Variants in COX10 observed in about 807,000 individuals in gnomAD.
COX10 encodes protoheme IX farnesyltransferase, mitochondrial.
In COX10, 27 loss-of-function variants were observed where a neutral mutation model predicts 37.3. The ratio of observed to expected loss-of-function variants is 0.72; its 90% CI spans 0.53 to 1.00. The LOEUF is 1.00. Ranked by LOEUF, COX10 falls within the 50% of genes least tolerant of loss-of-function variation. The pLI is 0.00. For synonymous variants in COX10, 222 were observed against 229.1 expected (o/e 0.97, Z 0.28); for missense variants, 475 against 563.2 (o/e 0.84, Z 1.59).
intron 5 of COX10, among the ~76,000 whole-genome samples, chr17:14,175,447 A>T (rs1459001146): frequency 2.6e-5 from 4 of 151,828 alleles, no homozygotes; most frequent in South Asian, 2.1e-4. Flanking sequence ...CCTCGCCTAT[A>T]AAATGAGGTT....
chr17:14,115,041 A>T (rs951091495), intron 4 of COX10, among the ~76,000 whole-genome samples: 2 of 152,136 alleles, frequency 1.3e-5, no homozygotes, highest in South Asian at 2.1e-4. Flanking sequence ...CTATAAGGGC[A>T]TATTTTATTC....
intron 6 of COX10, 38 bp from the exon 7 acceptor site, chr17:14,206,772 T>G (rs1280563420): frequency 6.2e-7 from 1 of 1,612,328 alleles, no homozygotes; most frequent in East Asian, 2.2e-5. Flanking sequence ...TGGTGATGAC[T>G]GCCTTTGTCT....
intron 4 of COX10, among the ~76,000 whole-genome samples, chr17:14,142,575 T>C (rs948815147): frequency 3.3e-5 from 5 of 152,204 alleles, no homozygotes; most frequent in African/African-American, 1.2e-4. Context: ...TAACTAATTC[T>C]TTTTTTCCTT....
chr17:14,111,153 TGTAA>T (rs758869923), intron 4 of COX10, among the ~76,000 whole-genome samples: 114 of 152,314 alleles, frequency 7.5e-4, no homozygotes, highest in Admixed American at 1.2e-3. Flanking sequence ...AAAATTTGTG[TGTAA>T]GTGATTAAGT....
At chr17:14,160,723 G>GATC (rs1332034315) in intron 5 of COX10, among the ~76,000 whole-genome samples, 1 of 152,122 alleles carries the variant, frequency 6.6e-6, no homozygotes, top group African/African-American at 2.4e-5. Context: ...ATGCAGAAAT[G>GATC]ATCTTTAATA....
intron 6 of COX10, among the ~76,000 whole-genome samples, chr17:14,196,437 G>C (rs1467577962): frequency 6.6e-6 from 1 of 152,134 alleles, no homozygotes; most frequent in East Asian, 1.9e-4. Flanking sequence ...TTTGAGGAGG[G>C]AATATGCTTT....
intron 4 of COX10, among the ~76,000 whole-genome samples, chr17:14,157,936 T>G (rs1905078300): frequency 6.6e-6 from 1 of 152,224 alleles, no homozygotes; most frequent in Admixed American, 6.5e-5. Flanking sequence ...ACAAATGCTC[T>G]CTTAATGCTG....
intron 4 of COX10, among the ~76,000 whole-genome samples, chr17:14,118,717 T>C (rs555632256): frequency 7.9e-5 from 12 of 152,182 alleles, no homozygotes; most frequent in Non-Finnish European, 1.6e-4. Flanking sequence ...TGATCTTGTC[T>C]TATATTTCAT....
intron 4 of COX10, among the ~76,000 whole-genome samples, chr17:14,112,784 C>A (rs533142327): frequency 3.3e-5 from 5 of 151,982 alleles, no homozygotes; most frequent in Admixed American, 3.3e-4. Flanking sequence ...TGAGTAAAGA[C>A]CCAGAGATGT....
At chr17:14,074,535 A>T in intron 2 of COX10, 79 bp downstream of exon 2, 1 of 1,359,850 alleles carries the variant, frequency 7.4e-7, no homozygotes, top group South Asian at 1.2e-5. Flanking sequence ...TTCCTATTTA[A>T]TTAAAGTTTT....
intron 5 of COX10, among the ~76,000 whole-genome samples, chr17:14,161,180 C>T (rs1436768030): frequency 6.6e-6 from 1 of 152,168 alleles, no homozygotes; most frequent in African/African-American, 2.4e-5. Flanking sequence ...TGTTAGTACT[C>T]AGGAGGGAGC....
intron 4 of COX10, among the ~76,000 whole-genome samples, chr17:14,104,007 A>C (rs1915839359): frequency 6.6e-6 from 1 of 151,992 alleles, no homozygotes; most frequent in Admixed American, 6.6e-5. Flanking sequence ...CATCCCACTT[A>C]CACAGCACTC....
intron 4 of COX10, among the ~76,000 whole-genome samples, chr17:14,125,373 C>T (rs1440695437): frequency 1.3e-5 from 2 of 152,098 alleles, no homozygotes; most frequent in African/African-American, 2.4e-5. Flanking sequence ...GTGTCAAATT[C>T]GTTCTTTGTT....
intron 5 of COX10, among the ~76,000 whole-genome samples, chr17:14,166,775 C>G (rs1784933750): frequency 7.2e-6 from 1 of 138,880 alleles, no homozygotes; most frequent in African/African-American, 2.6e-5. Flanking sequence ...CCACGCCTGG[C>G]TATTTCTTTC....
chr17:14,191,276 T>C (rs892905639), intron 5 of COX10, among the ~76,000 whole-genome samples: 21 of 150,534 alleles, frequency 1.4e-4, no homozygotes, highest in African/African-American at 4.9e-4. Context: ...TGGGTTTCAT[T>C]TGCATAAATA....
chr17:14,156,875 T>A (rs1905051895), intron 4 of COX10, among the ~76,000 whole-genome samples: 1 of 152,214 alleles, frequency 6.6e-6, no homozygotes, highest in South Asian at 2.1e-4. Context: ...CGGGTTCTCT[T>A]GTCTCAGTCT....
chr17:14,199,926 A>T (rs1906496454), intron 6 of COX10, among the ~76,000 whole-genome samples: 1 of 152,184 alleles, frequency 6.6e-6, no homozygotes, highest in Admixed American at 6.5e-5. Context: ...CCCTAAAAGC[A>T]CAAATAGAGC....
intron 4 of COX10, among the ~76,000 whole-genome samples, chr17:14,107,488 T>C (rs1234808337): frequency 2.0e-5 from 3 of 152,084 alleles, no homozygotes; most frequent in Non-Finnish European, 4.4e-5. Context: ...TGTAAAAATA[T>C]CTTTGTATCA....
At chr17:14,089,306 T>C (rs1915475676) in intron 3 of COX10, among the ~76,000 whole-genome samples, 2 of 152,224 alleles carry the variant, frequency 1.3e-5, no homozygotes, top group Admixed American at 1.3e-4. Flanking sequence ...GCAGTATATT[T>C]AAATGAAGAC....
Sources: allele counts gnomAD v4.1 joint callset (sites outside exome capture counted in the v4.1 genomes callset), GRCh38; gene constraint gnomAD v4.1.1; transcripts MANE v1.5; gene names NCBI Gene and HGNC (gene_info 2026-07-23, HGNC 2026-07-21).